ANK2: variants seen among roughly 807,000 people sequenced by gnomAD.
The protein encoded by ANK2 is ankyrin-2.
A neutral mutation model predicts 360.5 loss-of-function variants in ANK2; 83 were observed. That is an observed-to-expected ratio of 0.23 (90% CI 0.19 to 0.28). ANK2 has a LOEUF of 0.28. ANK2 is among the 10% of genes least tolerant of loss of function. The probability of loss-of-function intolerance (pLI) is 1.00; values close to 1 mark genes in which losing one functional copy is unlikely to be tolerated. For synonymous variants in ANK2, 1,740 were observed against 1,759.5 expected, an observed-to-expected ratio of 0.99 and a Z score of 0.28; for missense variants, 4,201 against 4,795.7, an observed-to-expected ratio of 0.88 and a Z score of 3.66.
the ANK2 span, among the ~76,000 whole-genome samples, chr4:112,808,606 A>G: frequency 1.3e-5 from 2 of 152,200 alleles, no homozygotes; most frequent in Non-Finnish European, 2.9e-5. Context: ...AAACAAGAAG[A>G]CAGAAACACC....
chr4:113,228,411 C>T (rs141151717), intron 4 of ANK2, among the ~76,000 whole-genome samples: 5 of 152,250 alleles, frequency 3.3e-5, no homozygotes, highest in Middle Eastern at 3.4e-3. Flanking sequence ...AGCTTAGCTC[C>T]CCCTAAGAGT....
At chr4:112,717,398 G>T in the ANK2 span, among the ~76,000 whole-genome samples, 2 of 152,042 alleles carry the variant, frequency 1.3e-5, no homozygotes, top group Non-Finnish European at 1.5e-5. Flanking sequence ...ACTTCATAAG[G>T]TTATTTTGCC....
At chr4:113,274,729 CAAGAGGG>C in intron 15 of ANK2, 80 bp downstream of exon 15, 1 of 1,463,376 alleles carries the variant, frequency 6.8e-7, no homozygotes, top group Non-Finnish European at 9.5e-7. Context: ...CATACAGAAT[CAAGAGGG>C]TAGATCTCCT....
chr4:113,248,928 A>C (rs3025735), intron 9 of ANK2, among the ~76,000 whole-genome samples: 3,786 of 152,240 alleles, frequency 0.025, 79 homozygotes, highest in Non-Finnish European at 0.038. Flanking sequence ...ACTGTTAATT[A>C]CATTTCGCCT....
intron 2 of ANK2, among the ~76,000 whole-genome samples, chr4:113,187,291 G>A (rs1262914338): frequency 6.6e-6 from 1 of 152,174 alleles, no homozygotes; most frequent in Non-Finnish European, 1.5e-5. Context: ...TTAGAGGAGG[G>A]AAGCAGGCAG....
intron 1 of ANK2, among the ~76,000 whole-genome samples, chr4:112,894,858 T>C (rs1282786645): frequency 6.6e-6 from 1 of 152,204 alleles, no homozygotes; most frequent in Non-Finnish European, 1.5e-5. Flanking sequence ...AGCTCATAGA[T>C]ATGACAGGGT....
At chr4:112,812,365 T>G in the ANK2 span, among the ~76,000 whole-genome samples, 2 of 152,226 alleles carry the variant, frequency 1.3e-5, no homozygotes, top group African/African-American at 2.4e-5. Flanking sequence ...CTTCCTATAA[T>G]GTGATATTGA....
chr4:112,950,941 G>C (rs1420700242), intron 2 of ANK2, among the ~76,000 whole-genome samples: 2 of 151,118 alleles, frequency 1.3e-5, no homozygotes, highest in Non-Finnish European at 3.0e-5. Context: ...AATTAGCCGG[G>C]CGTAGTGGCG....
intron 42 of ANK2, 118 bp downstream of exon 42, chr4:113,367,969 AC>A: frequency 1.6e-6 from 2 of 1,223,184 alleles, no homozygotes; most frequent in South Asian, 2.6e-5. Flanking sequence ...CCTACCAAAC[AC>A]AAGTGCCAGA....
At chr4:112,990,976 G>A (rs1019850305) in intron 2 of ANK2, among the ~76,000 whole-genome samples, 1 of 152,124 alleles carries the variant, frequency 6.6e-6, no homozygotes, top group Non-Finnish European at 1.5e-5. Flanking sequence ...ATTGGGCAAG[G>A]CTCAGTGGTT....
the ANK2 span, among the ~76,000 whole-genome samples, chr4:112,752,250 T>C: frequency 1.0e-3 from 152 of 152,356 alleles, no homozygotes; most frequent in African/African-American, 3.0e-3. Context: ...TAAACCCTCC[T>C]TGAGAGATGT....
chr4:112,882,061 A>G (rs2076836954), intron 1 of ANK2: 1 of 386,820 alleles, frequency 2.6e-6, no homozygotes, highest in African/African-American at 2.1e-5. Flanking sequence ...AGGGCTCCTC[A>G]GGCTCTCATC....
Position 113,355,171 on chromosome 4 carries a change from G to C in ANK2, c.6553G>C (p.Asp2185His). The change falls in exon 38 of 46, where the codon GAT becomes CAT. Residue 2185 changes from aspartate to histidine, a missense_variant. Coordinates refer to ENST00000357077, the MANE Select transcript of ANK2 (RefSeq NM_001148.6). ...AACATTTCCACTCGACTACATGAAA[G>C]ATGAGTTCCTTCCAGCTCTGTCTTT... ...NTTFPLDYMK[D>H]EFLPALSLQS... 6.2e-7 allele frequency: 1 copy of C among 1,614,164 alleles called. No individual in the cohort carries two copies.
intron 2 of ANK2, among the ~76,000 whole-genome samples, chr4:112,957,358 A>C (rs1264064424): frequency 6.6e-6 from 1 of 152,254 alleles, no homozygotes; most frequent in African/African-American, 2.4e-5. Context: ...CAGGATCACA[A>C]GGCAGAAGAA....
intron 1 of ANK2, among the ~76,000 whole-genome samples, chr4:113,093,123 G>T (rs1439859186): frequency 6.6e-6 from 1 of 152,096 alleles, no homozygotes; most frequent in East Asian, 1.9e-4. Context: ...TAGATTTATA[G>T]AACTGGCAGT....
rs1389060330 is a variant in ANK2 at position 113,358,949 on chromosome 4, T to C, written c.10331T>C (p.Val3444Ala). Residue 3444 changes from valine (V) to alanine (A), a missense_variant, in exon 38 of 46, where the codon GTT (valine) becomes GCT (alanine). This residue lies in a region of ANK2 where 2,642 missense variants were observed against 2,714.5 expected (regional missense o/e 0.97). Coordinates refer to ENST00000357077, the MANE Select transcript of ANK2 (RefSeq NM_001148.6). ...RPKILTSRLPVKSRSTTSSCR... is the reference protein window; with the variant it reads ...RPKILTSRLPAKSRSTTSSCR... ...AAGATACTTACATCCCGATTGCCAG[T>C]TAAGAGCAGAAGCACTACATCTTCC... 2 of 1,613,810 alleles carry C rather than the reference T, an allele frequency of 1.2e-6. No homozygotes were observed. Among genetic ancestry groups the C allele is most frequent in the East Asian group, 2.2e-5 (1 of 44,872 alleles).
At chr4:113,062,848 T>C (rs2074114933) in intron 1 of ANK2, among the ~76,000 whole-genome samples, 1 of 152,098 alleles carries the variant, frequency 6.6e-6, no homozygotes, top group African/African-American at 2.4e-5. Context: ...GTAGCTCTGA[T>C]ATTTGATAAT....
At chr4:112,959,714 G>A (rs529812534) in intron 2 of ANK2, among the ~76,000 whole-genome samples, 1 of 152,298 alleles carries the variant, frequency 6.6e-6, no homozygotes, top group East Asian at 1.9e-4. Context: ...AAATAGTGGT[G>A]CTTCTATGGA....
intron 1 of ANK2, among the ~76,000 whole-genome samples, chr4:112,864,632 T>A (rs991337093): frequency 6.6e-6 from 1 of 151,982 alleles, no homozygotes; most frequent in African/African-American, 2.4e-5. Context: ...TAAAGTATTT[T>A]AAAAAAACGT....
Sources: gnomAD v4.1 joint callset for allele counts (sites outside exome capture counted in the v4.1 genomes callset) on GRCh38, gnomAD v4.1.1 for gene constraint, gnomAD v4.1.1 regional missense constraint, MANE v1.5 for transcripts, NCBI Gene and HGNC (gene_info 2026-07-23, HGNC 2026-07-21) for gene names.